Variants in CITED4 observed in about 807,000 individuals in gnomAD.
CITED4 encodes cbp/p300-interacting transactivator 4.
A neutral mutation model predicts 3.3 loss-of-function variants in CITED4; 3 were observed. The ratio of observed to expected loss-of-function variants is 0.92; its 90% CI spans 0.42 to 2.38. The LOEUF (loss-of-function observed/expected upper bound fraction) is 2.38. Among genes scored for constraint, CITED4 ranks in the 30% most tolerant of loss-of-function variants. CITED4 has a pLI of 0.05. For missense variants in CITED4, 333 were observed against 274.2 expected, an observed-to-expected ratio of 1.21 and a Z score of -1.51; for synonymous variants, 167 against 145.8, an observed-to-expected ratio of 1.15 and a Z score of -1.05.
rs1006366424 is a variant in CITED4, at chr1:40,861,390, C to G, written c.*183G>C. ...GTCAGAGAAGTGAAGCCAAACTGTC[C>G]TCCCGCAGGAGGCAAGGCCTGGAGG... On this transcript the variant is annotated 3_prime_UTR_variant, in exon 1 of 1. Transcript: ENST00000372638. 5.7e-6 allele frequency: 2 copies of G among 348,734 alleles called. No individual in the cohort carries two copies. The highest frequency in any genetic ancestry group is 4.3e-5 in the African/African-American group (2 of 46,690). The allele number at this position is 348,734 out of a possible 1,614,324, so 21.6% of individuals were successfully genotyped here. A position where few individuals can be genotyped will look rare whatever the true frequency, so the allele number is the denominator to read the frequency against.
In CITED4 at chr1:40,861,589, C is replaced by A; in HGVS notation, c.539G>T (p.Gly180Val). 1.4e-6 allele frequency: 2 copies of A among 1,454,114 alleles called. No individual in the cohort carries two copies. The highest frequency in any genetic ancestry group is 1.8e-6 in the Non-Finnish European group (2 of 1,105,546). 90.1% of individuals were successfully genotyped at this position (1,454,114 alleles called of 1,614,324 possible). The change falls in exon 1 of 1, where the codon GGC becomes GTC. Residue 180 changes from glycine (G) to valine (V), a missense_variant. By Grantham distance (109) the Gly-to-Val change is moderately radical. Coordinates refer to ENST00000372638, the MANE Select transcript of CITED4 (RefSeq NM_133467.3). ...CGGCCGCCCTCAGCAGCTCACGGAGCCGGCGGGCGGCGCGGACCCCAAGTC... is the reference window on the plus strand; with the variant it reads ...CGGCCGCCCTCAGCAGCTCACGGAGACGGCGGGCGGCGCGGACCCCAAGTC... The part of the protein sequence containing the change: ...FSDLGSAPPA[G>V]SVSC
At position 40,861,653 on chromosome 1, in the gene CITED4, CG is replaced by C; in HGVS notation, c.474del (p.Glu159SerfsTer24). ...ELGLHRVREL[P>X]ELFLGQSEFD... ...AACTCGCTCTGGCCCAGGAAGAGCTCGGGCAGCTCGCGCACGCGGTGCAGCC... is the reference window on the plus strand; with the variant it reads ...AACTCGCTCTGGCCCAGGAAGAGCTCGGCAGCTCGCGCACGCGGTGCAGCC... On this transcript the variant is annotated frameshift_variant, in exon 1 of 1. Coordinates refer to ENST00000372638, the MANE Select transcript of CITED4 (RefSeq NM_133467.3). LOFTEE classifies it high-confidence loss of function. The C allele has an allele frequency of 1.3e-6, 2 of 1,502,918 alleles. No individual in the cohort carries two copies. Among genetic ancestry groups the C allele is most frequent in the East Asian group, 2.8e-5 (1 of 36,002 alleles). The allele number at this position is 1,502,918 out of a possible 1,614,324, so 93.1% of individuals were successfully genotyped here. A position where few individuals can be genotyped will look rare whatever the true frequency, so the allele number is the denominator to read the frequency against.
At position 40,862,052 on chromosome 1, in the gene CITED4, G is replaced by C; in HGVS notation, c.76C>G (p.Pro26Ala). The change falls in exon 1 of 1, where the codon CCT becomes GCT. Residue 26 changes from proline (P) to alanine (A), a missense_variant. Transcript: ENST00000372638. ...GGCGGCAGAGTCCGGAGCGCATGAG[G>C]GCCATGGGCGGCCGCGGCGGACGGC... is the stretch of plus-strand genomic sequence containing the variant. The part of the protein sequence containing the change: ...RPPSAAAAHG[P>A]HALRTLPPYA... 7.6e-7 allele frequency: 1 copy of C among 1,323,116 alleles called. No homozygotes were observed. The highest frequency in any genetic ancestry group is 9.7e-7 in the Non-Finnish European group (1 of 1,035,328). The allele number at this position is 1,323,116 out of a possible 1,614,324, so 82.0% of individuals were successfully genotyped here. A position where few individuals can be genotyped will look rare whatever the true frequency, so the allele number is the denominator to read the frequency against.
rs1275706511 is a variant in CITED4 at position 40,862,110 on chromosome 1, C to CA, written c.17dup (p.Met6IlefsTer257). The CA allele has an allele frequency of 1.5e-6, 2 of 1,301,434 alleles. No homozygotes were observed. Among genetic ancestry groups the CA allele is most frequent in the Non-Finnish European group, 1.9e-6 (2 of 1,026,402 alleles). The allele number at this position is 1,301,434 out of a possible 1,614,324, so 80.6% of individuals were successfully genotyped here. The stretch of plus-strand genomic sequence containing the variant: ...GCACCAGGCGGTAGCCCTCGGCGAG[C>CA]ATCAGGTGGTCGGCCATGGCGGCAG... On this transcript the variant is annotated frameshift_variant, in exon 1 of 1. Coordinates refer to ENST00000372638, the MANE Select transcript of CITED4 (RefSeq NM_133467.3). LOFTEE classifies it low-confidence loss of function (END_TRUNC).
Position 40,861,434 on chromosome 1 carries a change from CG to C in CITED4, c.*138del. On this transcript the variant is annotated 3_prime_UTR_variant, in exon 1 of 1. Transcript: ENST00000372638. The stretch of plus-strand genomic sequence containing the variant: ...CTGGAGGGACGCCAGGGTCCCAGTC[CG>C]GTGCCGGGCCCTGCGCACACAGCCG... 2.5e-6 allele frequency: 1 copy of C among 403,328 alleles called. No individual in the cohort carries two copies. Among genetic ancestry groups the C allele is most frequent in the East Asian group, 4.2e-5 (1 of 23,954 alleles). The allele number at this position is 403,328 out of a possible 1,614,324, so 25.0% of individuals were successfully genotyped here. A position where few individuals can be genotyped will look rare whatever the true frequency, so the allele number is the denominator to read the frequency against.
chr1:40,861,490 G>A lies in CITED4; in HGVS notation c.*83C>T, dbSNP rs913672724. On this transcript the variant is annotated 3_prime_UTR_variant, in exon 1 of 1. Coordinates refer to ENST00000372638, the MANE Select transcript of CITED4 (RefSeq NM_133467.3). ...CTCCACCCTCGCGGAGGGCGCGCGC[G>A]GGGCCCAGTCGCTGGGTGCAGGGTC... 18 of 857,748 alleles carry A rather than the reference G, an allele frequency of 2.1e-5. No individual in the cohort carries two copies. The African/African-American group carries it at 3.2e-4, about 15-fold the overall frequency. 53.1% of individuals were successfully genotyped at this position (857,748 alleles called of 1,614,324 possible). A position where few individuals can be genotyped will look rare whatever the true frequency, so the allele number is the denominator to read the frequency against.
chr1:40,861,363 G>T lies in CITED4; in HGVS notation c.*210C>A. On this transcript the variant is annotated 3_prime_UTR_variant, in exon 1 of 1. Coordinates refer to ENST00000372638, the MANE Select transcript of CITED4 (RefSeq NM_133467.3). Reference sequence around the variant, plus strand: ...CTCTTTCACTTTACGGCCGAGGCTGGGGTCAGAGAAGTGAAGCCAAACTGT... The same window carrying T: ...CTCTTTCACTTTACGGCCGAGGCTGTGGTCAGAGAAGTGAAGCCAAACTGT... 3.0e-6 allele frequency: 1 copy of T among 330,190 alleles called. No homozygotes were observed. Among genetic ancestry groups the T allele is most frequent in the Non-Finnish European group, 5.5e-6 (1 of 182,048 alleles). 20.5% of individuals were successfully genotyped at this position (330,190 alleles called of 1,614,324 possible). A position where few individuals can be genotyped will look rare whatever the true frequency, so the allele number is the denominator to read the frequency against.
rs1277765247 is a variant in CITED4, at chr1:40,861,814, T to C, written c.314A>G (p.Asn105Ser). 5 of 1,090,042 alleles carry C rather than the reference T, an allele frequency of 4.6e-6. No individual in the cohort carries two copies. The South Asian group carries it at 1.3e-4, about 29-fold the overall frequency. 67.5% of individuals were successfully genotyped at this position (1,090,042 alleles called of 1,614,324 possible). ...CGGGCCCGGGGGGCCTCCCGGAGCG[T>C]TGGGGGGCGCGGCCGCGCGGCCGGG... ...PYPGRAAAPP[N>S]APGGPPGPQP... Residue 105 changes from asparagine (N) to serine (S), a missense_variant, in exon 1 of 1, where the codon AAC (asparagine) becomes AGC (serine). By Grantham distance (46) the Asn-to-Ser change is conservative. Coordinates refer to ENST00000372638, the MANE Select transcript of CITED4 (RefSeq NM_133467.3).
chr1:40,862,063 G>A lies in CITED4; in HGVS notation c.65C>T (p.Ala22Val). 7.6e-7 allele frequency: 1 copy of A among 1,324,308 alleles called. No individual in the cohort carries two copies. The highest frequency in any genetic ancestry group is 9.7e-7 in the Non-Finnish European group (1 of 1,035,780). 82.0% of individuals were successfully genotyped at this position (1,324,308 alleles called of 1,614,324 possible). Residue 22 changes from alanine to valine, a missense_variant, in exon 1 of 1, where the codon GCC becomes GTC. By Grantham distance (64) the Ala-to-Val change is moderately conservative. Transcript: ENST00000372638. ...CCGGAGCGCATGAGGGCCATGGGCG[G>A]CCGCGGCGGACGGCGGCCTCTGCAC... is the stretch of plus-strand genomic sequence containing the variant. ...RLVQRPPSAAAAHGPHALRTL... is the reference protein window; with the variant it reads ...RLVQRPPSAAVAHGPHALRTL...
rs1057635 is a variant in CITED4 at position 40,861,609 on chromosome 1, C to A, written c.519G>T (p.Leu173Phe). 75,167 of 1,474,712 alleles carry A rather than the reference C, an allele frequency of 0.051. 2,113 individuals carry two copies. The highest frequency in any genetic ancestry group is 0.06 in the Middle Eastern group (325 of 5,382). The allele number at this position is 1,474,712 out of a possible 1,614,324, so 91.4% of individuals were successfully genotyped here. The change falls in exon 1 of 1, where the codon TTG becomes TTT. Residue 173 changes from leucine to phenylalanine, a missense_variant. Transcript: ENST00000372638. ...CGGAGCCGGCGGGCGGCGCGGACCCCAAGTCCGAGAAGCAGTCGAACTCGC... is the reference window on the plus strand; with the variant it reads ...CGGAGCCGGCGGGCGGCGCGGACCCAAAGTCCGAGAAGCAGTCGAACTCGC... ...GQSEFDCFSD[L>F]GSAPPAGSVS...
Position 40,861,467 on chromosome 1 carries a change from C to G in CITED4, c.*106G>C, listed in dbSNP as rs1649371201. The G allele has an allele frequency of 1.7e-6, 1 of 605,898 alleles. No individual in the cohort carries two copies. Among genetic ancestry groups the G allele is most frequent in the South Asian group, 6.1e-5 (1 of 16,384 alleles). The allele number at this position is 605,898 out of a possible 1,614,324, so 37.5% of individuals were successfully genotyped here. On this transcript the variant is annotated 3_prime_UTR_variant, in exon 1 of 1. Coordinates refer to ENST00000372638, the MANE Select transcript of CITED4 (RefSeq NM_133467.3). ...GGCCCTGCGCACACAGCCGCCGCCT[C>G]CACCCTCGCGGAGGGCGCGCGCGGG...
In CITED4 at chr1:40,862,333, C is replaced by G. The variant is rs987000710; in HGVS notation, c.-206G>C. 11 of 334,448 alleles carry G rather than the reference C, an allele frequency of 3.3e-5. No homozygotes were observed. The highest frequency in any genetic ancestry group is 4.9e-5 in the Non-Finnish European group (9 of 184,526). 20.7% of individuals were successfully genotyped at this position (334,448 alleles called of 1,614,324 possible). ...CGGCCGCAGCCTGGGGTCACAAAGG[C>G]CCGCAACCTGTAGTGCTCCGAAACC... is the stretch of plus-strand genomic sequence containing the variant. On this transcript the variant is annotated 5_prime_UTR_variant, in exon 1 of 1. Transcript: ENST00000372638.
In CITED4 at chr1:40,862,193, CAG is replaced by C; in HGVS notation, c.-68_-67del. On this transcript the variant is annotated 5_prime_UTR_variant, in exon 1 of 1. Transcript: ENST00000372638. ...CAGCGCCGGCTCCCCCGGCCCGGGC[CAG>C]CGGCTGCTCTGCGGCGGGAGACCCG... 9.3e-7 allele frequency: 1 copy of C among 1,073,996 alleles called. No homozygotes were observed. Among genetic ancestry groups the C allele is most frequent in the Non-Finnish European group, 1.2e-6 (1 of 849,442 alleles). The allele number at this position is 1,073,996 out of a possible 1,614,324, so 66.5% of individuals were successfully genotyped here.
In CITED4 at chr1:40,861,638, G is replaced by C. The variant is rs1438600326; in HGVS notation, c.490C>G (p.Gln164Glu). 1 of 1,505,710 alleles carries C rather than the reference G, an allele frequency of 6.6e-7. No homozygotes were observed. Among genetic ancestry groups the C allele is most frequent in the East Asian group, 2.8e-5 (1 of 36,114 alleles). 93.3% of individuals were successfully genotyped at this position (1,505,710 alleles called of 1,614,324 possible). ...TCCGAGAAGCAGTCGAACTCGCTCT[G>C]GCCCAGGAAGAGCTCGGGCAGCTCG... ...VRELPELFLG[Q>E]SEFDCFSDLG... Residue 164 changes from glutamine to glutamate, a missense_variant, in exon 1 of 1, where the codon CAG becomes GAG. By Grantham distance (29) the Gln-to-Glu change is conservative. Transcript: ENST00000372638.
At position 40,861,634 on chromosome 1, in the gene CITED4, C is replaced by A; in HGVS notation, c.494G>T (p.Ser165Ile). The change falls in exon 1 of 1, where the codon AGC becomes ATC. Residue 165 changes from serine (S) to isoleucine (I), a missense_variant. Ser to Ile is a moderately radical substitution (Grantham distance 142, BLOSUM62 -2). Transcript: ENST00000372638. ...CAAGTCCGAGAAGCAGTCGAACTCG[C>A]TCTGGCCCAGGAAGAGCTCGGGCAG... is the stretch of plus-strand genomic sequence containing the variant. ...RELPELFLGQ[S>I]EFDCFSDLGS... 6.7e-7 allele frequency: 1 copy of A among 1,503,100 alleles called. No homozygotes were observed. The allele number at this position is 1,503,100 out of a possible 1,614,324, so 93.1% of individuals were successfully genotyped here.
chr1:40,862,286 C>G lies in CITED4; in HGVS notation c.-159G>C. 1 of 370,464 alleles carries G rather than the reference C, an allele frequency of 2.7e-6. No homozygotes were observed. Among genetic ancestry groups the G allele is most frequent in the Non-Finnish European group, 4.7e-6 (1 of 214,236 alleles). The allele number at this position is 370,464 out of a possible 1,614,324, so 22.9% of individuals were successfully genotyped here. A position where few individuals can be genotyped will look rare whatever the true frequency, so the allele number is the denominator to read the frequency against. On this transcript the variant is annotated 5_prime_UTR_variant, in exon 1 of 1. Transcript: ENST00000372638. Reference sequence around the variant, plus strand: ...ACCAAACCCGACTGGTGCCCCGGCCCAGCCCACTACTGCGCACCTTGCGGC... The same window carrying G: ...ACCAAACCCGACTGGTGCCCCGGCCGAGCCCACTACTGCGCACCTTGCGGC...
chr1:40,861,929 A>C lies in CITED4; in HGVS notation c.199T>G (p.Phe67Val). 8.0e-7 allele frequency: 1 copy of C among 1,246,216 alleles called. No individual in the cohort carries two copies. 77.2% of individuals were successfully genotyped at this position (1,246,216 alleles called of 1,614,324 possible). A position where few individuals can be genotyped will look rare whatever the true frequency, so the allele number is the denominator to read the frequency against. Reference protein sequence around the residue: ...RQPGALAYGAFGPPSSFQPFP... With the variant: ...RQPGALAYGAVGPPSSFQPFP... ...GGCTGGAAGGAGGACGGCGGCCCGA[A>C]GGCCCCGTACGCCAGGGCCCCGGGT... Residue 67 changes from phenylalanine (F) to valine (V), a missense_variant, in exon 1 of 1, where the codon TTC (phenylalanine) becomes GTC (valine). Phe to Val is a conservative substitution (Grantham distance 50). Coordinates refer to ENST00000372638, the MANE Select transcript of CITED4 (RefSeq NM_133467.3).
rs781395766 is a variant in CITED4, at chr1:40,861,701, T to G, written c.427A>C (p.Thr143Pro). 7 of 1,478,292 alleles carry G rather than the reference T, an allele frequency of 4.7e-6. No homozygotes were observed. Among genetic ancestry groups the G allele is most frequent in the African/African-American group, 2.9e-5 (2 of 68,560 alleles). The allele number at this position is 1,478,292 out of a possible 1,614,324, so 91.6% of individuals were successfully genotyped here. ...DAELIDEEAL[T>P]SLELELGLHR... ...AGCCCGAGCTCCAGCTCCAGCGACGTCAGCGCCTCCTCGTCGATGAGTTCG... is the reference window on the plus strand; with the variant it reads ...AGCCCGAGCTCCAGCTCCAGCGACGGCAGCGCCTCCTCGTCGATGAGTTCG... The change falls in exon 1 of 1, where the codon ACG becomes CCG. Residue 143 changes from threonine (T) to proline (P), a missense_variant. By Grantham distance (38) the Thr-to-Pro change is conservative. Coordinates refer to ENST00000372638, the MANE Select transcript of CITED4 (RefSeq NM_133467.3).
rs567779251 is a variant in CITED4 at position 40,861,956 on chromosome 1, G to A, written c.172C>T (p.Gln58Ter). 1.2e-5 allele frequency: 15 copies of A among 1,243,424 alleles called. No individual in the cohort carries two copies. In the Admixed American group the frequency reaches 6.0e-4, roughly 50 times the overall value. 77.0% of individuals were successfully genotyped at this position (1,243,424 alleles called of 1,614,324 possible). A position where few individuals can be genotyped will look rare whatever the true frequency, so the allele number is the denominator to read the frequency against. The change falls in exon 1 of 1, where the codon CAA (glutamine) becomes TAA (stop). Residue 58 changes from glutamine to a stop codon, truncating the protein, a stop_gained. Coordinates refer to ENST00000372638, the MANE Select transcript of CITED4 (RefSeq NM_133467.3). LOFTEE classifies it low-confidence loss of function (END_TRUNC). ...GAPLGPPPPRQPGALAYGAFG... is the reference protein window; with the variant it reads ...GAPLGPPPPR ...GCCCCGTACGCCAGGGCCCCGGGTT[G>A]GCGGGGCGGCGGCGGCCCCAGCGGA...
Sources: allele counts gnomAD v4.1 joint callset, GRCh38; gene constraint gnomAD v4.1.1; transcripts MANE v1.5; gene names NCBI Gene and HGNC (gene_info 2026-07-23, HGNC 2026-07-21).